The following PARN variants were observed in gnomAD, a reference collection of about 807,000 sequenced individuals.
The protein encoded by PARN is poly(A)-specific ribonuclease PARN.
Under a neutral mutation model 102.8 loss-of-function variants are expected in PARN, and 71 were observed. That is an observed-to-expected ratio of 0.69 (90% confidence interval 0.57 to 0.84). The LOEUF (loss-of-function observed/expected upper bound fraction) is 0.84. Ranked by LOEUF, PARN falls within the 40% of genes least tolerant of loss-of-function variation. PARN has a pLI of 0.00. For synonymous variants in PARN, 261 were observed against 252.9 expected, an observed-to-expected ratio of 1.03 and a Z score of -0.30; for missense variants, 782 against 760.9, an observed-to-expected ratio of 1.03 and a Z score of -0.33.
intron 13 of PARN, among the ~76,000 whole-genome samples, chr16:14,587,777 G>A (rs191387748): frequency 6.6e-5 from 10 of 152,346 alleles, no homozygotes; most frequent in Admixed American, 1.3e-4. Flanking sequence ...TAGTAATAAA[G>A]TGAAGGATAA....
chr16:14,482,607 G>T (rs746045117), intron 22 of PARN, 31 bp downstream of exon 22: 2 of 1,514,716 alleles, frequency 1.3e-6, no homozygotes, highest in Non-Finnish European at 1.8e-6. Context: ...TAGAACTCTG[G>T]CCTTTTAAAT....
chr16:14,467,050 C>G (rs1255433811), intron 22 of PARN, among the ~76,000 whole-genome samples: 3 of 152,218 alleles, frequency 2.0e-5, no homozygotes, highest in Non-Finnish European at 4.4e-5. Flanking sequence ...TTTCCTGATG[C>G]CCCTGCAGGC....
intron 3 of PARN, 118 bp downstream of exon 3, chr16:14,628,054 G>A (rs1378747920): frequency 1.4e-6 from 1 of 696,822 alleles, no homozygotes; most frequent in Non-Finnish European, 2.5e-6. Context: ...GGCTAGGTTT[G>A]AGGAGAAAAT....
intron 21 of PARN, among the ~76,000 whole-genome samples, chr16:14,485,733 G>A (rs577978079): frequency 2.0e-5 from 3 of 151,708 alleles, no homozygotes; most frequent in Non-Finnish European, 2.9e-5. Flanking sequence ...TGCCGCCTAC[G>A]CTGGAGTATA....
chr16:14,522,713 A>G (rs1184058103), intron 21 of PARN, among the ~76,000 whole-genome samples: 1 of 152,168 alleles, frequency 6.6e-6, no homozygotes, highest in Non-Finnish European at 1.5e-5. Flanking sequence ...CTGCATCAAG[A>G]TGGGCACACA....
intron 21 of PARN, among the ~76,000 whole-genome samples, chr16:14,506,643 A>G (rs1189548882): frequency 2.0e-5 from 3 of 152,254 alleles, no homozygotes; most frequent in African/African-American, 7.2e-5. Context: ...AGAGGGAGAC[A>G]GAGCAAATAT....
chr16:14,442,708 C>A (rs1489163474), intron 23 of PARN, among the ~76,000 whole-genome samples: 1 of 152,122 alleles, frequency 6.6e-6, no homozygotes, highest in East Asian at 1.9e-4. Context: ...ACCTCAGCCT[C>A]CTGGGCTTAA....
intron 22 of PARN, among the ~76,000 whole-genome samples, chr16:14,454,849 A>G (rs1261052791): frequency 6.6e-6 from 1 of 152,244 alleles, no homozygotes. Flanking sequence ...ATAGCAAATC[A>G]CTTTTATGTG....
At chr16:14,487,674 A>G (rs1297130748) in intron 21 of PARN, among the ~76,000 whole-genome samples, 1 of 152,248 alleles carries the variant, frequency 6.6e-6, no homozygotes, top group Non-Finnish European at 1.5e-5. Flanking sequence ...AATTAAAAGT[A>G]AGAAAAAAAA....
intron 21 of PARN, among the ~76,000 whole-genome samples, chr16:14,519,288 AGGGAG>A (rs1284386873): frequency 5.2e-5 from 5 of 96,050 alleles, no homozygotes; most frequent in East Asian, 8.3e-4. Flanking sequence ...GGAGAGAGGA[AGGGAG>A]GGGAGGGGAG....
chr16:14,490,729 C>T (rs1485432180), intron 21 of PARN, among the ~76,000 whole-genome samples: 3 of 152,152 alleles, frequency 2.0e-5, no homozygotes, highest in Non-Finnish European at 4.4e-5. Flanking sequence ...GCCTGGATGA[C>T]ACTAAAGGTT....
chr16:14,556,794 CTT>C (rs1395482954), intron 18 of PARN, among the ~76,000 whole-genome samples: 3 of 150,664 alleles, frequency 2.0e-5, no homozygotes, highest in African/African-American at 7.3e-5. Context: ...ACACAGGTTT[CTT>C]TTTTTTTAAT....
chr16:14,516,293 CA>C (rs1481313223), intron 21 of PARN, among the ~76,000 whole-genome samples: 1 of 151,748 alleles, frequency 6.6e-6, no homozygotes, highest in African/African-American at 2.4e-5. Context: ...TAGACAAAAA[CA>C]AAAGCAAGGG....
chr16:14,476,712 G>C (rs1331235004), intron 22 of PARN, among the ~76,000 whole-genome samples: 2 of 151,988 alleles, frequency 1.3e-5, no homozygotes, highest in Non-Finnish European at 2.9e-5. Flanking sequence ...AAATGAATGG[G>C]CAAGGCTGTG....
chr16:14,540,655 C>T (rs1441986988), intron 21 of PARN, among the ~76,000 whole-genome samples: 1 of 152,138 alleles, frequency 6.6e-6, no homozygotes, highest in Non-Finnish European at 1.5e-5. Context: ...CAGCCAGGCA[C>T]GGTGGCTCAC....
At position 14,510,400 on chromosome 16, in the gene PARN, C is replaced by T. The variant is rs534293136; in HGVS notation, c.1481-27573G>A. ...TACTGTTATTTTTCTATCATTTTGGCGAATTCTAGTGGGAAAAAAATGAAG... is the reference window on the plus strand; with the variant it reads ...TACTGTTATTTTTCTATCATTTTGGTGAATTCTAGTGGGAAAAAAATGAAG... On this transcript the variant is annotated intron_variant, in intron 21 of 23. Coordinates refer to ENST00000437198, the MANE Select transcript of PARN (RefSeq NM_002582.4). Among the ~76,000 whole-genome samples the T allele has an allele frequency of 5.1e-4, 77 of 151,970 alleles. No homozygotes were observed. The East Asian group carries it at 5.2e-3, about 10-fold the overall frequency.
chr16:14,560,247 A>C (rs1443073902), intron 18 of PARN, among the ~76,000 whole-genome samples: 1 of 152,254 alleles, frequency 6.6e-6, no homozygotes, highest in Non-Finnish European at 1.5e-5. Flanking sequence ...ACTGTATTGA[A>C]GAACAATCTC....
chr16:14,457,935 T>G (rs1164072383), intron 22 of PARN, among the ~76,000 whole-genome samples: 3 of 149,402 alleles, frequency 2.0e-5, no homozygotes, highest in Non-Finnish European at 3.0e-5. Context: ...TGTGTGGGTG[T>G]GTGTGTGTGT....
chr16:14,514,795 G>T (rs1009923327), intron 21 of PARN, among the ~76,000 whole-genome samples: 1 of 152,202 alleles, frequency 6.6e-6, no homozygotes, highest in Admixed American at 6.5e-5. Context: ...GCTTCCCAAG[G>T]GAGAAGGGAG....
Sources: gnomAD v4.1 joint callset for allele counts (sites outside exome capture counted in the v4.1 genomes callset) on GRCh38, gnomAD v4.1.1 for gene constraint, MANE v1.5 for transcripts, NCBI Gene and HGNC (gene_info 2026-07-23, HGNC 2026-07-21) for gene names.